The following MMP9 variants were observed in gnomAD, a reference collection of about 807,000 sequenced individuals.
The protein encoded by MMP9 is matrix metalloproteinase-9.
Under a neutral mutation model 76.4 loss-of-function variants are expected in MMP9, and 73 were observed. That is an observed-to-expected ratio of 0.96 (90% confidence interval 0.79 to 1.16). The LOEUF (loss-of-function observed/expected upper bound fraction) is 1.16. MMP9 is among the 50% of genes most tolerant of loss of function. MMP9 has a pLI of 0.00. For missense variants in MMP9, 943 were observed against 973.0 expected, an observed-to-expected ratio of 0.97 and a Z score of 0.41; for synonymous variants, 412 against 408.4, an observed-to-expected ratio of 1.01 and a Z score of -0.11.
rs550752239 is a variant in MMP9, at chr20:46,010,719, C to T, written c.520+88C>T. The T allele has an allele frequency of 1.6e-4, 251 of 1,548,026 alleles. No individual in the cohort carries two copies. The African/African-American group carries it at 3.2e-3, about 20-fold the overall frequency. On this transcript the variant is annotated intron_variant, in intron 3 of 12. Coordinates refer to ENST00000372330, the MANE Select transcript of MMP9 (RefSeq NM_004994.3). ...GAGAGCGTGGAGGCAGCAGTGGCCC[C>T]GGCTTCCTCTTGCCTGCCCGCGCTG...
Position 46,011,684 on chromosome 20 carries a change from C to A in MMP9, c.934C>A (p.Arg312Ser). Residue 312 changes from arginine to serine, a missense_variant, in exon 6 of 13, where the codon CGC (arginine) becomes AGC (serine). Transcript: ENST00000372330. ...CACGGACGGTCGCTCCGACGGCTAC[C>A]GCTGGTGCGCCACCACCGCCAACTA... ...CTTDGRSDGY[R>S]WCATTANYDR... 1 of 1,614,092 alleles carries A rather than the reference C, an allele frequency of 6.2e-7. No homozygotes were observed. The highest frequency in any genetic ancestry group is 1.1e-5 in the South Asian group (1 of 91,088).
intron 1 of MMP9, 88 bp from the exon 2 acceptor site, chr20:46,009,778 C>G: frequency 8.8e-7 from 1 of 1,140,612 alleles, no homozygotes; most frequent in Non-Finnish European, 1.3e-6. Flanking sequence ...AAGACTCCCT[C>G]CATGAGTGTC....
Position 46,008,922 on chromosome 20 carries a change from T to A in MMP9, c.-5T>A, listed in dbSNP as rs747746307. The A allele has an allele frequency of 1.2e-6, 2 of 1,613,066 alleles. No individual in the cohort carries two copies. The highest frequency in any genetic ancestry group is 1.7e-6 in the Non-Finnish European group (2 of 1,179,920). On this transcript the variant is annotated 5_prime_UTR_variant, in exon 1 of 13. Coordinates refer to ENST00000372330, the MANE Select transcript of MMP9 (RefSeq NM_004994.3). ...CAGCTGCAGTCAGACACCTCTGCCC[T>A]CACCATGAGCCTCTGGCAGCCCCTG...
chr20:46,011,998 C>T, intron 6 of MMP9, 139 bp from the exon 7 acceptor site: 1 of 1,226,010 alleles, frequency 8.2e-7, no homozygotes, highest in Non-Finnish European at 1.1e-6. Context: ...CAGGCACCGC[C>T]CACGGGTCTA....
chr20:46,010,048 C>T lies in MMP9; in HGVS notation c.321C>T (p.Phe107=), dbSNP rs911886195. Residue 107 remains phenylalanine (F), a synonymous_variant, in exon 2 of 13, where the codon TTC becomes TTT. Coordinates refer to ENST00000372330, the MANE Select transcript of MMP9 (RefSeq NM_004994.3). ...PRCGVPDLGR[F]QTFEGDLKWH... is the part of the protein sequence containing the mutation. ...GCGGGGTCCCAGACCTGGGCAGATT[C>T]CAAACCTTTGAGGGCGACCTCAAGT... The T allele has an allele frequency of 3.2e-6, 5 of 1,551,224 alleles. No individual in the cohort carries two copies. The East Asian group carries it at 9.8e-5, about 30-fold the overall frequency.
At chr20:46,012,047 A>G in intron 6 of MMP9, 90 bp from the exon 7 acceptor site, 1 of 1,536,112 alleles carries the variant, frequency 6.5e-7, no homozygotes, top group Non-Finnish European at 8.9e-7. Context: ...CCCCTAGGCC[A>G]CCAAGATTGT....
chr20:46,010,020 G>A lies in MMP9; in HGVS notation c.293G>A (p.Arg98Gln), dbSNP rs140352541. The change falls in exon 2 of 13, where the codon CGG becomes CAG. Residue 98 changes from arginine (R) to glutamine (Q), a missense_variant. Coordinates refer to ENST00000372330, the MANE Select transcript of MMP9 (RefSeq NM_004994.3). ...SATLKAMRTP[R>Q]CGVPDLGRFQ... ...ACGCTGAAGGCCATGCGAACCCCAC[G>A]GTGCGGGGTCCCAGACCTGGGCAGA... 3.2e-6 allele frequency: 5 copies of A among 1,551,634 alleles called. No individual in the cohort carries two copies. Among genetic ancestry groups the A allele is most frequent in the South Asian group, 2.4e-5 (2 of 84,050 alleles).
intron 12 of MMP9, among the ~76,000 whole-genome samples, chr20:46,016,035 G>T (rs6073987): frequency 1.3e-5 from 2 of 152,224 alleles, no homozygotes; most frequent in South Asian, 4.1e-4. Flanking sequence ...CTGTGTGCTA[G>T]GCTCTGTGGC....
At chr20:46,010,340 A>AAAAAAAAAAAAAAAAG (rs1873350257) in intron 2 of MMP9, 143 bp from the exon 3 acceptor site, 1 of 920,264 alleles carries the variant, frequency 1.1e-6, no homozygotes, top group Non-Finnish European at 1.6e-6. Flanking sequence ...AAAAAAAAAA[A>AAAAAAAAAAAAAAAAG]ACAGTCTGGA....
chr20:46,016,450 A>G lies in MMP9; in HGVS notation c.*82A>G. ...GAAGGAGCCAGTTTGCCGGATACAA[A>G]CTGGTATTCTGTTCTGGAGGAAAGG... is the stretch of plus-strand genomic sequence containing the variant. On this transcript the variant is annotated 3_prime_UTR_variant, in exon 13 of 13. Coordinates refer to ENST00000372330, the MANE Select transcript of MMP9 (RefSeq NM_004994.3). 9.0e-7 allele frequency: 1 copy of G among 1,111,646 alleles called. No homozygotes were observed. The highest frequency in any genetic ancestry group is 1.4e-6 in the Non-Finnish European group (1 of 723,100). 68.9% of individuals were successfully genotyped at this position (1,111,646 alleles called of 1,614,324 possible).
chr20:46,014,307 C>CCCGGGCGCCGTCGGTCCGT (rs1433781329), intron 11 of MMP9, 33 bp downstream of exon 11: 2 of 1,535,654 alleles, frequency 1.3e-6, no homozygotes, highest in Admixed American at 2.0e-5. Flanking sequence ...GCAGGGGGAG[C>CCCGGGCGCCGTCGGTCCGT]CCGGGCGCCG....
rs770850998 is a variant in MMP9 at position 46,013,306 on chromosome 20, C to T, written c.1382C>T (p.Pro461Leu). 1.2e-6 allele frequency: 2 copies of T among 1,613,906 alleles called. No homozygotes were observed. The highest frequency in any genetic ancestry group is 1.7e-6 in the Non-Finnish European group (2 of 1,179,982). Residue 461 changes from proline to leucine, a missense_variant, in exon 9 of 13, where the codon CCC (proline) becomes CTC (leucine). Coordinates refer to ENST00000372330, the MANE Select transcript of MMP9 (RefSeq NM_004994.3). The surrounding 1 kb of genome is among the most constrained non-coding windows in gnomAD (Gnocchi z 4.5). ...PRPPTTTTPQ[P>L]TAPPTVCPTG... ...CCTCCAACCACCACCACACCGCAGC[C>T]CACGGCTCCCCCGACGGTCTGCCCC...
chr20:46,012,662 T>TGGGGGGTGGGGGAG, intron 8 of MMP9, 80 bp downstream of exon 8: 1 of 1,269,098 alleles, frequency 7.9e-7, no homozygotes, highest in East Asian at 2.9e-5. Context: ...GGGTTGGGGA[T>TGGGGGGTGGGGGAG]CGGGGGAGGA....
Position 46,013,716 on chromosome 20 carries a change from CCGA to C in MMP9, c.1672_1674del (p.Asp558del). ...CGGCCGCAGGGCCCCTTCCTTATCGCCGACAAGTGGCCCGCGCTGCCCCGCAAG... is the reference window on the plus strand; with the variant it reads ...CGGCCGCAGGGCCCCTTCCTTATCGCCAAGTGGCCCGCGCTGCCCCGCAAG... On this transcript the variant is annotated inframe_deletion, in exon 10 of 13. Transcript: ENST00000372330. This position sits in a 1 kb window ranked among gnomAD's most constrained non-coding sequence, Gnocchi z 4.5. The C allele has an allele frequency of 1.2e-6, 2 of 1,613,826 alleles. No homozygotes were observed. Among genetic ancestry groups the C allele is most frequent in the East Asian group, 2.2e-5 (1 of 44,838 alleles).
At position 46,013,785 on chromosome 20, in the gene MMP9, T is replaced by G. The variant is rs772374825; in HGVS notation, c.1739T>G (p.Phe580Cys). 3.7e-6 allele frequency: 6 copies of G among 1,612,858 alleles called. No individual in the cohort carries two copies. Among genetic ancestry groups the G allele is most frequent in the Non-Finnish European group, 3.4e-6 (4 of 1,179,936 alleles). Residue 580 changes from phenylalanine (F) to cysteine (C), a missense_variant, in exon 10 of 13, where the codon TTC (phenylalanine) becomes TGC (cysteine). Coordinates refer to ENST00000372330, the MANE Select transcript of MMP9 (RefSeq NM_004994.3). The surrounding 1 kb of genome is among the most constrained non-coding windows in gnomAD (Gnocchi z 4.5). ...VFEERLSKKL[F>C]FFSGRQVWVY... ...GAGGAGCGGCTCTCCAAGAAGCTTT[T>G]CTTCTTCTCTGGTTAGTTACCTACT...
rs141318648 is a variant in MMP9, at chr20:46,011,315, G to C, written c.822G>C (p.Glu274Asp). 1.6e-4 allele frequency: 264 copies of C among 1,602,328 alleles called. 2 individuals carry two copies. The African/African-American group carries it at 3.3e-3, about 20-fold the overall frequency. The change falls in exon 5 of 13, where the codon GAG becomes GAC. Residue 274 changes from glutamate (E) to aspartate (D), a missense_variant and splice_region_variant. By Grantham distance (45) the Glu-to-Asp change is conservative. Coordinates refer to ENST00000372330, the MANE Select transcript of MMP9 (RefSeq NM_004994.3). ...ACCGGTTTGGCTTCTGCCCCAGCGAGAGTGAGTGAGGGGGCTCGCCGAGGG... is the reference window on the plus strand; with the variant it reads ...ACCGGTTTGGCTTCTGCCCCAGCGACAGTGAGTGAGGGGGCTCGCCGAGGG... ...TDDRFGFCPS[E>D]RLYTQDGNAD...
In MMP9 at chr20:46,009,786, G is replaced by A. The variant is rs561239045; in HGVS notation, c.139-80G>A. On this transcript the variant is annotated intron_variant, in intron 1 of 12. Transcript: ENST00000372330. The stretch of plus-strand genomic sequence containing the variant: ...AAGAAAAAAGACTCCCTCCATGAGT[G>A]TCTGGAGGGAGTCCTTTGGCCCCAG... The A allele has an allele frequency of 1.8e-3, 2,131 of 1,188,500 alleles. 3 individuals carry two copies. The highest frequency in any genetic ancestry group is 2.7e-3 in the Admixed American group (135 of 50,556). 73.6% of individuals were successfully genotyped at this position (1,188,500 alleles called of 1,614,324 possible). A position where few individuals can be genotyped will look rare whatever the true frequency, so the allele number is the denominator to read the frequency against.
Position 46,013,847 on chromosome 20 carries a change from G to C in MMP9, c.1750+51G>C. ...GCCCGGTCAATCCCCATCAGTCAAG[G>C]AGGCTCAAGAGACCATCGATAACCC... On this transcript the variant is annotated intron_variant, in intron 10 of 12. Coordinates refer to ENST00000372330, the MANE Select transcript of MMP9 (RefSeq NM_004994.3). The surrounding 1 kb of genome is among the most constrained non-coding windows in gnomAD (Gnocchi z 4.5). The C allele has an allele frequency of 6.2e-7, 1 of 1,607,894 alleles. No homozygotes were observed. The highest frequency in any genetic ancestry group is 8.5e-7 in the Non-Finnish European group (1 of 1,177,574).
chr20:46,013,644 C>T lies in MMP9; in HGVS notation c.1611-13C>T, dbSNP rs557525204. The stretch of plus-strand genomic sequence containing the variant: ...AGGCTTAGAGCCCGTCCTTTCCCTC[C>T]TCGCTTTCTCAGGAAGTACTGGCGA... On this transcript the variant is annotated splice_polypyrimidine_tract_variant and intron_variant, in intron 9 of 12. Transcript: ENST00000372330. This position sits in a 1 kb window ranked among gnomAD's most constrained non-coding sequence, Gnocchi z 4.5. 7 of 1,614,130 alleles carry T rather than the reference C, an allele frequency of 4.3e-6. No individual in the cohort carries two copies. The highest frequency in any genetic ancestry group is 1.6e-4 in the Middle Eastern group (1 of 6,062).
Sources: allele counts gnomAD v4.1 joint callset (sites outside exome capture counted in the v4.1 genomes callset), GRCh38; gene constraint gnomAD v4.1.1; non-coding constraint Gnocchi (gnomAD v3.1); transcripts MANE v1.5; gene names NCBI Gene and HGNC (gene_info 2026-07-23, HGNC 2026-07-21).